The following DTNB variants were observed in gnomAD, a reference collection of about 807,000 sequenced individuals.
The protein encoded by DTNB is DTN-B.
In DTNB, 63 loss-of-function variants were observed where a neutral mutation model predicts 90.7. That is an observed-to-expected ratio of 0.69 (90% CI 0.57 to 0.86). The LOEUF is 0.86. Ranked by LOEUF, DTNB falls within the 40% of genes least tolerant of loss-of-function variation. The pLI is 0.00. For missense variants in DTNB, 744 were observed against 807.1 expected (o/e 0.92, Z 0.95); for synonymous variants, 277 against 286.7 (o/e 0.97, Z 0.34).
intron 9 of DTNB, among the ~76,000 whole-genome samples, chr2:25,507,787 A>G (rs1268516650): frequency 6.6e-6 from 1 of 152,216 alleles, no homozygotes; most frequent in East Asian, 1.9e-4. Flanking sequence ...ACAATGGCAT[A>G]TAAGACCCTC....
At chr2:25,576,805 C>T (rs1454053237) in intron 8 of DTNB, 33 bp downstream of exon 8, 1 of 1,589,432 alleles carries the variant, frequency 6.3e-7, no homozygotes, top group South Asian at 1.2e-5. Flanking sequence ...CAGATTAACA[C>T]TCAGGGACAC....
rs755779063 is a variant in DTNB at position 25,494,908 on chromosome 2, GA to G, written c.1002-12036del. On this transcript the variant is annotated intron_variant, in intron 9 of 20. Transcript: ENST00000406818. ...CTCTAAGGAGAGAGCACTGTTGCCA[GA>G]AAAAAAAAAAAGGGAGGCTGCAGAA... is the stretch of plus-strand genomic sequence containing the variant. Among the ~76,000 whole-genome samples the G allele has an allele frequency of 1.5e-3, 195 of 134,246 alleles. 1 individual carries two copies. The highest frequency in any genetic ancestry group is 5.3e-3 in the East Asian group (25 of 4,720). 88.1% of individuals were successfully genotyped at this position (134,246 alleles called of 152,430 possible). A position where few individuals can be genotyped will look rare whatever the true frequency, so the allele number is the denominator to read the frequency against.
intron 6 of DTNB, among the ~76,000 whole-genome samples, chr2:25,582,422 A>G (rs1295687211): frequency 6.6e-6 from 1 of 152,164 alleles, no homozygotes; most frequent in Non-Finnish European, 1.5e-5. Flanking sequence ...ATTGAGAATA[A>G]TATTTAAAAT....
At chr2:25,521,741 C>A (rs531827070) in intron 9 of DTNB, among the ~76,000 whole-genome samples, 2 of 152,280 alleles carry the variant, frequency 1.3e-5, no homozygotes, top group East Asian at 3.9e-4. Context: ...TTTCACTTTA[C>A]AAAATATTCT....
At chr2:25,488,050 C>T (rs1223883279) in intron 9 of DTNB, among the ~76,000 whole-genome samples, 1 of 152,136 alleles carries the variant, frequency 6.6e-6, no homozygotes, top group Non-Finnish European at 1.5e-5. Context: ...AGATAAGATA[C>T]CCAAGCCCTA....
At position 25,638,301 on chromosome 2, in the gene DTNB, TA is replaced by T. The variant is rs2077518807; in HGVS notation, c.148+712del. On this transcript the variant is annotated intron_variant, in intron 3 of 20. Transcript: ENST00000406818. ...GCAGCACACCAACATGGCACATGTA[TA>T]CATATGTAACAAACCTGCACGTTGT... 2.6e-5 allele frequency among the ~76,000 whole-genome samples: 4 copies of T among 152,344 alleles called. No homozygotes were observed. In the South Asian group the frequency reaches 8.3e-4, roughly 32 times the overall value.
chr2:25,648,300 G>A (rs981629090), intron 2 of DTNB, among the ~76,000 whole-genome samples: 2 of 152,146 alleles, frequency 1.3e-5, no homozygotes, highest in Admixed American at 1.3e-4. Context: ...ATAAACAGAT[G>A]TGATACTTAT....
intron 3 of DTNB, among the ~76,000 whole-genome samples, chr2:25,637,233 T>C (rs1421311953): frequency 6.6e-6 from 1 of 152,140 alleles, no homozygotes; most frequent in African/African-American, 2.4e-5. Context: ...ACTTAAATGT[T>C]AGACCTAAAA....
intron 1 of DTNB, among the ~76,000 whole-genome samples, chr2:25,663,318 G>T (rs2149027177): frequency 6.6e-6 from 1 of 152,200 alleles, no homozygotes; most frequent in South Asian, 2.1e-4. Flanking sequence ...ATTATTAATG[G>T]GCATTTGGGT....
chr2:25,444,315 C>T (rs1386346940), intron 12 of DTNB, among the ~76,000 whole-genome samples: 3 of 151,826 alleles, frequency 2.0e-5, no homozygotes, highest in South Asian at 2.1e-4. Context: ...GATCACCTGA[C>T]GTCAGGAGTT....
chr2:25,596,106 G>C lies in DTNB; in HGVS notation c.583C>G (p.Arg195Gly). The change falls in exon 6 of 21, where the codon CGC (arginine) becomes GGC (glycine). Residue 195 changes from arginine to glycine, a missense_variant. Arg to Gly is a moderately radical substitution (Grantham distance 125). Coordinates refer to ENST00000406818, the MANE Select transcript of DTNB (RefSeq NM_021907.5). ...PSFGYTEHSVRTCFPQQRKIM... is the reference protein window; with the variant it reads ...PSFGYTEHSVGTCFPQQRKIM... Reference sequence around the variant, plus strand: ...CTTACCTGCTGTGGAAAACAGGTGCGGACTGAGTGCTCTGTGTAACCAAAA... The same window carrying C: ...CTTACCTGCTGTGGAAAACAGGTGCCGACTGAGTGCTCTGTGTAACCAAAA... 1 of 1,611,404 alleles carries C rather than the reference G, an allele frequency of 6.2e-7. No homozygotes were observed. The highest frequency in any genetic ancestry group is 8.5e-7 in the Non-Finnish European group (1 of 1,178,954).
intron 9 of DTNB, among the ~76,000 whole-genome samples, chr2:25,492,256 T>A (rs2067695817): frequency 6.6e-6 from 1 of 152,192 alleles, no homozygotes; most frequent in African/African-American, 2.4e-5. Context: ...CCATCTGGCT[T>A]GAGAGCTTAA....
intron 1 of DTNB, among the ~76,000 whole-genome samples, chr2:25,663,286 C>G (rs1176533521): frequency 6.6e-6 from 1 of 152,106 alleles, no homozygotes; most frequent in Non-Finnish European, 1.5e-5. Flanking sequence ...TGTGTATGTG[C>G]CATATTTTCT....
intron 16 of DTNB, among the ~76,000 whole-genome samples, chr2:25,414,007 G>T (rs1281496598): frequency 6.6e-6 from 1 of 152,164 alleles, no homozygotes. Flanking sequence ...TTGTGGTTTT[G>T]ATTTGCATTT....
intron 6 of DTNB, among the ~76,000 whole-genome samples, chr2:25,589,367 C>CTCTTTTTTTTT (rs2063078912): frequency 1.7e-5 from 1 of 57,556 alleles, no homozygotes; most frequent in Non-Finnish European, 3.0e-5. Context: ...TTTTTCTTTT[C>CTCTTTTTTTTT]TTTTTTTTTT....
intron 9 of DTNB, among the ~76,000 whole-genome samples, chr2:25,531,056 A>T (rs1466449021): frequency 6.6e-6 from 1 of 152,218 alleles, no homozygotes; most frequent in Non-Finnish European, 1.5e-5. Context: ...ATTTTCCCTC[A>T]ATACAAAAAA....
chr2:25,539,889 T>C (rs1409306738), intron 8 of DTNB, among the ~76,000 whole-genome samples: 1 of 152,244 alleles, frequency 6.6e-6, no homozygotes, highest in African/African-American at 2.4e-5. Flanking sequence ...AAATAATGTC[T>C]TGATAGGCAT....
chr2:25,529,208 T>C (rs1418486993), intron 9 of DTNB, among the ~76,000 whole-genome samples: 2 of 152,198 alleles, frequency 1.3e-5, no homozygotes, highest in Admixed American at 1.3e-4. Context: ...CCTGTGCGTA[T>C]TTGGAAACTT....
At chr2:25,541,814 T>A (rs1388555434) in intron 8 of DTNB, among the ~76,000 whole-genome samples, 1 of 152,198 alleles carries the variant, frequency 6.6e-6, no homozygotes, top group African/African-American at 2.4e-5. Flanking sequence ...GTTTTGCTTT[T>A]AACTTTTTGA....
Sources: allele counts gnomAD v4.1 joint callset (sites outside exome capture counted in the v4.1 genomes callset), GRCh38; gene constraint gnomAD v4.1.1; transcripts MANE v1.5; gene names NCBI Gene and HGNC (gene_info 2026-07-23, HGNC 2026-07-21).